Variants in CATSPERD observed in about 807,000 individuals in gnomAD.
The protein encoded by CATSPERD is catsper channel auxiliary subunit delta.
CATSPERD carries 86 observed loss-of-function variants against 98.1 expected under a neutral mutation model. That is an observed-to-expected ratio of 0.88 (90% confidence interval 0.74 to 1.05). CATSPERD has a LOEUF of 1.05. Among genes scored for constraint, CATSPERD ranks in the 50% least tolerant of loss-of-function variants. CATSPERD has a pLI of 0.00. For missense variants in CATSPERD, 995 were observed against 1,005.7 expected, an observed-to-expected ratio of 0.99 and a Z score of 0.14; for synonymous variants, 394 against 390.2, an observed-to-expected ratio of 1.01 and a Z score of -0.12.
chr19:5,766,858 A>T (rs2056547387), intron 17 of CATSPERD, among the ~76,000 whole-genome samples: 1 of 151,350 alleles, frequency 6.6e-6, no homozygotes, highest in South Asian at 2.1e-4. Context: ...ATGCCTGGCT[A>T]ATTTTTGTAT....
Position 5,751,656 on chromosome 19 carries a change from C to G in CATSPERD, c.997C>G (p.Gln333Glu). ...ATCATTTTCTTCTTAGTTTGCAGAC[C>G]AATACATCTGGTCAGAAGACGTGGC... is the stretch of plus-strand genomic sequence containing the variant. ...VPSSIIKFAD[Q>E]YIWSEDVALM... Residue 333 changes from glutamine to glutamate, a missense_variant, in exon 12 of 22, where the codon CAA becomes GAA. By Grantham distance (29) the Gln-to-Glu change is conservative. Around this residue, in one of 3 missense-constraint regions of CATSPERD, gnomAD observed 762 missense variants for 773.7 expected, o/e 0.98. Transcript: ENST00000381624. The G allele has an allele frequency of 6.3e-7, 1 of 1,575,134 alleles. No individual in the cohort carries two copies. The highest frequency in any genetic ancestry group is 1.1e-5 in the South Asian group (1 of 87,584).
At chr19:5,735,881 T>C (rs987292957) in intron 5 of CATSPERD, among the ~76,000 whole-genome samples, 1 of 149,614 alleles carries the variant, frequency 6.7e-6, no homozygotes, top group African/African-American at 2.5e-5. Flanking sequence ...CCTGGGTTCA[T>C]GCCATTCTTC....
At chr19:5,775,178 A>G (rs913462951) in intron 20 of CATSPERD, 1 of 466,492 alleles carries the variant, frequency 2.1e-6, no homozygotes, top group African/African-American at 2.0e-5. Context: ...ACTACTTGAG[A>G]CCTTCGTTAC....
In CATSPERD at chr19:5,737,210, G is replaced by A. The variant is rs538598474; in HGVS notation, c.459+5G>A. Reference sequence around the variant, plus strand: ...ACTGGAAGTTTGTTTTGTGTGGTAAGTATAAGTGTATAATTGTTCATTTTT... The same window carrying A: ...ACTGGAAGTTTGTTTTGTGTGGTAAATATAAGTGTATAATTGTTCATTTTT... On this transcript the variant is annotated splice_donor_5th_base_variant and intron_variant, in intron 6 of 21. Transcript: ENST00000381624. 1 of 1,582,068 alleles carries A rather than the reference G, an allele frequency of 6.3e-7. No individual in the cohort carries two copies. The highest frequency in any genetic ancestry group is 2.2e-5 in the East Asian group (1 of 44,634).
intron 7 of CATSPERD, among the ~76,000 whole-genome samples, chr19:5,743,227 C>A (rs985294207): frequency 6.6e-5 from 10 of 152,030 alleles, no homozygotes; most frequent in Non-Finnish European, 1.3e-4. Context: ...CGATTGAACC[C>A]AGGAGGCGGA....
intron 5 of CATSPERD, among the ~76,000 whole-genome samples, chr19:5,736,391 C>T (rs2055846038): frequency 6.6e-6 from 1 of 152,194 alleles, no homozygotes; most frequent in African/African-American, 2.4e-5. Context: ...TCCCAAATTT[C>T]AGTAGTGTTG....
intron 1 of CATSPERD, 106 bp from the exon 2 acceptor site, chr19:5,724,702 C>G (rs1359594684): frequency 1.7e-6 from 2 of 1,184,802 alleles, no homozygotes; most frequent in East Asian, 2.4e-5. Flanking sequence ...CCGTCCCCCC[C>G]AAAAAAGAAC....
chr19:5,751,906 T>C, intron 12 of CATSPERD, 83 bp downstream of exon 12: 1 of 1,294,498 alleles, frequency 7.7e-7, no homozygotes, highest in Non-Finnish European at 1.0e-6. Context: ...TGCACGCCTG[T>C]AGCCCCAGTT....
intron 3 of CATSPERD, among the ~76,000 whole-genome samples, chr19:5,728,189 C>T (rs112054625): frequency 2.9e-4 from 44 of 151,500 alleles, no homozygotes; most frequent in African/African-American, 1.0e-3. Context: ...GAAACCCCGT[C>T]TCTACTAAAA....
rs753916449 is a variant in CATSPERD at position 5,751,848 on chromosome 19, C to A, written c.1164+25C>A. 4 of 1,581,230 alleles carry A rather than the reference C, an allele frequency of 2.5e-6. No homozygotes were observed. The South Asian group carries it at 4.5e-5, about 18-fold the overall frequency. ...GGTATGTGATCCTAACTGTTTTGAT[C>A]AATGTTCAATGTAGTTTTTAAAGAC... On this transcript the variant is annotated intron_variant, in intron 12 of 21. Coordinates refer to ENST00000381624, the MANE Select transcript of CATSPERD (RefSeq NM_152784.4).
intron 11 of CATSPERD, 96 bp downstream of exon 11, chr19:5,749,279 G>C: frequency 1.3e-6 from 1 of 780,594 alleles, no homozygotes; most frequent in Non-Finnish European, 2.0e-6. Context: ...ATCACCTGAG[G>C]TCAGGAGTTC....
At chr19:5,742,624 C>G (rs762479274) in intron 7 of CATSPERD, among the ~76,000 whole-genome samples, 2 of 151,774 alleles carry the variant, frequency 1.3e-5, no homozygotes, top group African/African-American at 4.8e-5. Context: ...CCCACCATAT[C>G]TACAAAAAAT....
rs1255810895 is a variant in CATSPERD at position 5,745,899 on chromosome 19, T to G, written c.658-14T>G. 6.2e-7 allele frequency: 1 copy of G among 1,613,644 alleles called. No homozygotes were observed. Among genetic ancestry groups the G allele is most frequent in the African/African-American group, 1.3e-5 (1 of 74,920 alleles). On this transcript the variant is annotated splice_polypyrimidine_tract_variant and intron_variant, in intron 8 of 21. Transcript: ENST00000381624. ...GGGTTTGGGGAGAGGCTGAATGGTG[T>G]CTTTTTCTCCCAGGGCATGTTCAAG...
chr19:5,739,534 T>C (rs889610977), intron 7 of CATSPERD, 95 bp downstream of exon 7: 17 of 719,648 alleles, frequency 2.4e-5, no homozygotes, highest in Non-Finnish European at 3.5e-5. Context: ...TGTTTTCCTC[T>C]TTAAGAGTCC....
At chr19:5,754,731 G>A (rs1316140778) in intron 13 of CATSPERD, among the ~76,000 whole-genome samples, 1 of 151,722 alleles carries the variant, frequency 6.6e-6, no homozygotes, top group Non-Finnish European at 1.5e-5. Flanking sequence ...ACGTGCCTCT[G>A]CATGTCTGGG....
At chr19:5,723,186 C>CAAA (rs56121351) in intron 1 of CATSPERD, among the ~76,000 whole-genome samples, 10 of 121,376 alleles carry the variant, frequency 8.2e-5, no homozygotes, top group Non-Finnish European at 1.5e-4. Flanking sequence ...GATTCTGTCT[C>CAAA]AAAAAAAAAA....
chr19:5,776,345 G>C, intron 21 of CATSPERD, 30 bp downstream of exon 21: 1 of 1,607,922 alleles, frequency 6.2e-7, no homozygotes, highest in South Asian at 1.1e-5. Flanking sequence ...CCTACGACAG[G>C]GGACGCCTGG....
At chr19:5,733,759 C>G in intron 4 of CATSPERD, 97 bp from the exon 5 acceptor site, 1 of 833,176 alleles carries the variant, frequency 1.2e-6, no homozygotes, top group Non-Finnish European at 1.9e-6. Context: ...CCCGTCCATA[C>G]ATTTTTTTTT....
rs528671821 is a variant in CATSPERD, at chr19:5,753,402, CA to C, written c.1165-720del. ...TGAAACCCCATCTCTACCAAAAATA[CA>C]AAAAAAAAATTAGCTGGGCGTGGTG... On this transcript the variant is annotated intron_variant, in intron 12 of 21. Transcript: ENST00000381624. 853 of 158,414 alleles carry C rather than the reference CA, an allele frequency of 5.4e-3. 3 individuals carry two copies. The highest frequency in any genetic ancestry group is 6.8e-3 in the Non-Finnish European group (494 of 72,366). 9.8% of individuals were successfully genotyped at this position (158,414 alleles called of 1,614,324 possible).
Sources: allele counts gnomAD v4.1 joint callset (sites outside exome capture counted in the v4.1 genomes callset), GRCh38; gene constraint gnomAD v4.1.1; regional missense constraint gnomAD v4.1.1; transcripts MANE v1.5; gene names NCBI Gene and HGNC (gene_info 2026-07-23, HGNC 2026-07-21).